The following CDH13 variants were observed in gnomAD, a reference collection of about 807,000 sequenced individuals.
The protein encoded by CDH13 is cadherin 13.
Under a neutral mutation model 63.8 loss-of-function variants are expected in CDH13, and 24 were observed. The ratio of observed to expected loss-of-function variants is 0.38; its 90% CI spans 0.27 to 0.53. CDH13 has a LOEUF of 0.53. CDH13 is among the 20% of genes least tolerant of loss of function. The probability of loss-of-function intolerance (pLI) is 0.85; values close to 1 mark genes in which losing one functional copy is unlikely to be tolerated. For missense variants in CDH13, 1,049 were observed against 903.1 expected, an observed-to-expected ratio of 1.16 and a Z score of -2.07; for synonymous variants, 503 against 355.3, an observed-to-expected ratio of 1.42 and a Z score of -4.67.
At chr16:83,322,834 A>C (rs1006482135) in intron 5 of CDH13, among the ~76,000 whole-genome samples, 4 of 152,206 alleles carry the variant, frequency 2.6e-5, no homozygotes, top group African/African-American at 2.4e-5. Flanking sequence ...TGGTGTTCAC[A>C]ACAATGATTC....
At chr16:83,418,246 A>G (rs1212622146) in intron 6 of CDH13, among the ~76,000 whole-genome samples, 1 of 152,208 alleles carries the variant, frequency 6.6e-6, no homozygotes, top group East Asian at 1.9e-4. Context: ...TTGGAGGATT[A>G]AAAGGGAAAA....
intron 3 of CDH13, among the ~76,000 whole-genome samples, chr16:83,115,726 A>C (rs1425906282): frequency 6.6e-6 from 1 of 152,254 alleles, no homozygotes; most frequent in Non-Finnish European, 1.5e-5. Context: ...CTTGCTAAAA[A>C]TATCTCCTCT....
chr16:83,688,685 A>T (rs997444154), intron 10 of CDH13, among the ~76,000 whole-genome samples: 2 of 152,104 alleles, frequency 1.3e-5, no homozygotes. Flanking sequence ...ATGTAAATGG[A>T]TTGTTTACAG....
intron 7 of CDH13, among the ~76,000 whole-genome samples, chr16:83,529,980 G>A (rs998852390): frequency 1.3e-5 from 2 of 152,128 alleles, no homozygotes; most frequent in African/African-American, 4.8e-5. Context: ...AATGGGGTCG[G>A]GTAAGAATCT....
At chr16:83,202,782 C>T (rs910490089) in intron 4 of CDH13, among the ~76,000 whole-genome samples, 1 of 152,158 alleles carries the variant, frequency 6.6e-6, no homozygotes, top group Non-Finnish European at 1.5e-5. Flanking sequence ...GATTTTATTA[C>T]ATTACTTTCT....
intron 3 of CDH13, among the ~76,000 whole-genome samples, chr16:83,085,516 C>G (rs2033536493): frequency 6.6e-6 from 1 of 152,164 alleles, no homozygotes; most frequent in East Asian, 1.9e-4. Context: ...CATGCTTGTC[C>G]TCTTTGGAAT....
chr16:83,191,030 A>G (rs907534304), intron 4 of CDH13, among the ~76,000 whole-genome samples: 1 of 151,718 alleles, frequency 6.6e-6, no homozygotes, highest in Admixed American at 6.6e-5. Context: ...TAATCAATCA[A>G]ATTGCTTTAT....
At chr16:82,806,281 T>C (rs1368566354) in intron 1 of CDH13, among the ~76,000 whole-genome samples, 1 of 152,172 alleles carries the variant, frequency 6.6e-6, no homozygotes, top group Non-Finnish European at 1.5e-5. Flanking sequence ...CTGCTATTTG[T>C]CTCCTCTTCT....
chr16:83,568,177 C>T (rs927341932), intron 7 of CDH13, among the ~76,000 whole-genome samples: 1 of 151,186 alleles, frequency 6.6e-6, no homozygotes, highest in Non-Finnish European at 1.5e-5. Flanking sequence ...ATGACACTCA[C>T]CCCAAAACAA....
chr16:83,277,971 G>A lies in CDH13; in HGVS notation c.636+60474G>A, dbSNP rs370401044. On this transcript the variant is annotated intron_variant, in intron 5 of 13. Transcript: ENST00000567109. The stretch of plus-strand genomic sequence containing the variant: ...TTTATTCAGTGAAATGCTATATCAA[G>A]TAGTTGATCCCATGTCAACTTAATT... Among the ~76,000 whole-genome samples the A allele has an allele frequency of 1.1e-4, 16 of 152,192 alleles. No homozygotes were observed. In the East Asian group the frequency reaches 1.5e-3, roughly 15 times the overall value.
At chr16:83,432,456 C>A (rs2072149917) in intron 6 of CDH13, among the ~76,000 whole-genome samples, 3 of 152,260 alleles carry the variant, frequency 2.0e-5, no homozygotes, top group Middle Eastern at 6.8e-3. Context: ...AGAGTGGGGA[C>A]CTATGCCTAC....
At chr16:83,523,269 G>T (rs544198454) in intron 7 of CDH13, among the ~76,000 whole-genome samples, 1 of 152,196 alleles carries the variant, frequency 6.6e-6, no homozygotes, top group South Asian at 2.1e-4. Flanking sequence ...GTCCATAATA[G>T]GTGCTCAGCT....
intron 4 of CDH13, among the ~76,000 whole-genome samples, chr16:83,171,250 G>A (rs1213385342): frequency 2.0e-5 from 3 of 152,038 alleles, no homozygotes; most frequent in East Asian, 1.9e-4. Context: ...GCAAGAGAAT[G>A]GGGTGGGGAA....
chr16:82,793,113 C>G (rs9926936), intron 1 of CDH13, among the ~76,000 whole-genome samples: 318 of 152,284 alleles, frequency 2.1e-3, no homozygotes, highest in African/African-American at 7.5e-3. Flanking sequence ...TCAGGGGCGA[C>G]TAAACAAGTG....
intron 5 of CDH13, among the ~76,000 whole-genome samples, chr16:83,252,939 C>T (rs769650563): frequency 6.6e-6 from 1 of 152,134 alleles, no homozygotes; most frequent in Admixed American, 6.5e-5. Context: ...CCTTAATTAA[C>T]TTTCTGAACC....
Position 83,382,616 on chromosome 16 carries a change from G to A in CDH13, c.781+37610G>A, listed in dbSNP as rs547825661. Among the ~76,000 whole-genome samples the A allele has an allele frequency of 1.2e-3, 187 of 152,232 alleles. 3 individuals are homozygous for A. Among genetic ancestry groups the A allele is most frequent in the African/African-American group, 4.0e-3 (165 of 41,560 alleles). On this transcript the variant is annotated intron_variant, in intron 6 of 13. Coordinates refer to ENST00000567109, the MANE Select transcript of CDH13 (RefSeq NM_001257.5). The stretch of plus-strand genomic sequence containing the variant: ...AATGAGCACTGAAACAAAACCCAGT[G>A]CATCAATACATTGATGCAATGTCCA...
intron 2 of CDH13, among the ~76,000 whole-genome samples, chr16:82,879,897 A>G (rs1334559804): frequency 7.0e-6 from 1 of 143,744 alleles, no homozygotes; most frequent in African/African-American, 2.5e-5. Flanking sequence ...TTAGCTATAG[A>G]AATATATATT....
chr16:82,812,555 A>T (rs1349627009), intron 1 of CDH13, among the ~76,000 whole-genome samples: 1 of 151,846 alleles, frequency 6.6e-6, no homozygotes, highest in East Asian at 1.9e-4. Context: ...GAGGAGTGAA[A>T]CTCAAAGTCG....
intron 2 of CDH13, chr16:82,953,523 C>T (rs1226071967): frequency 6.6e-6 from 1 of 152,170 alleles, no homozygotes; most frequent in East Asian, 1.9e-4. Flanking sequence ...TTGCTTTTGA[C>T]TGAAATGATA....
Sources: gnomAD v4.1 joint callset for allele counts (sites outside exome capture counted in the v4.1 genomes callset) on GRCh38, gnomAD v4.1.1 for gene constraint, MANE v1.5 for transcripts, NCBI Gene and HGNC (gene_info 2026-07-23, HGNC 2026-07-21) for gene names.